MID1: variants seen among roughly 807,000 people sequenced by gnomAD.
The protein encoded by MID1 is midline 1.
In MID1, 7 loss-of-function variants were observed where a neutral mutation model predicts 40.4. The ratio of observed to expected loss-of-function variants is 0.17; its 90% CI spans 0.10 to 0.33. MID1 has a LOEUF of 0.33. Ranked by LOEUF, MID1 falls within the 10% of genes least tolerant of loss-of-function variation. The pLI, the probability that MID1 is intolerant of heterozygous loss-of-function variation, is 1.00. For synonymous variants in MID1, 229 were observed against 221.2 expected (o/e 1.04, Z -0.31); for missense variants, 367 against 558.5 (o/e 0.66, Z 3.46).
chrX:10,594,138 C>T (rs1448218411), intron 1 of MID1, among the ~76,000 whole-genome samples: 1 of 111,437 alleles, frequency 9.0e-6, no homozygotes, highest in Non-Finnish European at 1.9e-5. Flanking sequence ...GCATATATAT[C>T]TGTGTGTATA....
intron 1 of MID1, among the ~76,000 whole-genome samples, chrX:10,669,762 T>A (rs961768437): frequency 1.8e-5 from 2 of 112,314 alleles, no homozygotes; most frequent in African/African-American, 3.2e-5. Context: ...CAGAGAGTAA[T>A]CTTTTCAACA....
intron 1 of MID1, among the ~76,000 whole-genome samples, chrX:10,723,106 T>C (rs1182455908): frequency 9.0e-6 from 1 of 111,702 alleles, no homozygotes; most frequent in Non-Finnish European, 1.9e-5. Flanking sequence ...AAAAAGTAGT[T>C]ACAAAACCCC....
chrX:10,757,918 A>G (rs997983722), intron 1 of MID1, among the ~76,000 whole-genome samples: 9 of 110,912 alleles, frequency 8.1e-5, no homozygotes, highest in African/African-American at 2.6e-4. Context: ...ATGGTTTTAA[A>G]CCATATTAAT....
At chrX:10,713,504 T>C (rs1427705429) in intron 1 of MID1, among the ~76,000 whole-genome samples, 1 of 110,606 alleles carries the variant, frequency 9.0e-6, no homozygotes, top group African/African-American at 3.3e-5. Context: ...TTTAAAAACA[T>C]TTTTGTAGAA....
chrX:10,736,395 A>C (rs1043451068), intron 1 of MID1, among the ~76,000 whole-genome samples: 1 of 112,528 alleles, frequency 8.9e-6, no homozygotes, highest in Non-Finnish European at 1.9e-5. Flanking sequence ...TTCTTTGCAA[A>C]GAGCAAATAA....
At chrX:10,513,724 G>A (rs1167242060) in intron 3 of MID1, among the ~76,000 whole-genome samples, 1 of 111,601 alleles carries the variant, frequency 9.0e-6, no homozygotes, top group Non-Finnish European at 1.9e-5. Context: ...GGCCGGGCTG[G>A]TCTCGAACTC....
At chrX:10,623,098 A>AAAAAAAAAAAAAAAT, upstream of MID1, among the ~76,000 whole-genome samples, 1 of 105,419 alleles carries the variant, frequency 9.5e-6, no homozygotes, top group African/African-American at 3.5e-5. Flanking sequence ...AAAAAAAAAA[A>AAAAAAAAAAAAAAAT]AAAATAGCTG....
At chrX:10,464,205 A>G (rs768282483) in intron 7 of MID1, among the ~76,000 whole-genome samples, 5 of 112,307 alleles carry the variant, frequency 4.5e-5, no homozygotes, top group Non-Finnish European at 9.4e-5. Context: ...GAATCACCCA[A>G]CATAAAGTTC....
chrX:10,686,569 G>A (rs999204967), intron 1 of MID1, among the ~76,000 whole-genome samples: 3 of 111,953 alleles, frequency 2.7e-5, no homozygotes, highest in Admixed American at 9.5e-5. Flanking sequence ...ACAGGGCAAG[G>A]GTAAAGCTTT....
At position 10,692,617 on chromosome X, in the gene MID1, C is replaced by CA. The variant is rs935778202; in HGVS notation, c.-186-72199dup. 2.7e-3 allele frequency among the ~76,000 whole-genome samples: 284 copies of CA among 104,050 alleles called. 1 individual carries two copies. The highest frequency in any genetic ancestry group is 4.3e-3 in the Non-Finnish European group (219 of 50,538). The allele number at this position is 104,050 out of a possible 115,157, so 90.4% of individuals were successfully genotyped here. On this transcript the variant is annotated intron_variant, in intron 1 of 10. Transcript: ENST00000380785. ...GGGCAACAAGAATGAAACTCCATCT[C>CA]AAAAAAAAAAATTATTCATGAGGTA...
chrX:10,451,408 T>G (rs1928329843), intron 9 of MID1, among the ~76,000 whole-genome samples: 2 of 111,628 alleles, frequency 1.8e-5, no homozygotes, highest in South Asian at 3.8e-4. Context: ...GTGGGCAACT[T>G]TGCAGCAGCT....
At chrX:10,680,393 G>T (rs1276763750) in intron 1 of MID1, among the ~76,000 whole-genome samples, 1 of 112,079 alleles carries the variant, frequency 8.9e-6, no homozygotes, top group African/African-American at 3.2e-5. Context: ...GCAGACTTCA[G>T]TAAGACTTTC....
intron 1 of MID1, among the ~76,000 whole-genome samples, chrX:10,610,348 A>G (rs898775106): frequency 2.8e-4 from 31 of 112,471 alleles, no homozygotes; most frequent in African/African-American, 9.7e-4. Flanking sequence ...ACTGATGAAC[A>G]CAACGTTTTT....
At chrX:10,487,937 T>C (rs2147307973) in intron 4 of MID1, among the ~76,000 whole-genome samples, 1 of 110,412 alleles carries the variant, frequency 9.1e-6, no homozygotes, top group South Asian at 3.9e-4. Flanking sequence ...ATTTCTAGTT[T>C]GGGGCTATTA....
At chrX:10,476,861 G>C (rs970539941) in intron 5 of MID1, among the ~76,000 whole-genome samples, 1 of 111,829 alleles carries the variant, frequency 8.9e-6, no homozygotes, top group Non-Finnish European at 1.9e-5. Flanking sequence ...TGATGGATAC[G>C]GAGATGGTTG....
At chrX:10,613,766 G>GAGAGAGAGAC (rs1555910257) in intron 1 of MID1, among the ~76,000 whole-genome samples, 23 of 75,764 alleles carry the variant, frequency 3.0e-4, no homozygotes, top group African/African-American at 7.5e-4. Flanking sequence ...GAGAGAGAGA[G>GAGAGAGAGAC]AGACAGACAG....
At chrX:10,804,454 G>C (rs930429928) in intron 1 of MID1, among the ~76,000 whole-genome samples, 1 of 111,963 alleles carries the variant, frequency 8.9e-6, no homozygotes, top group African/African-American at 3.2e-5. Flanking sequence ...CATGTTTACT[G>C]TTTGCTGTAG....
intron 1 of MID1, among the ~76,000 whole-genome samples, chrX:10,822,099 T>G (rs1280816182): frequency 3.6e-5 from 4 of 110,936 alleles, no homozygotes; most frequent in Non-Finnish European, 7.6e-5. Flanking sequence ...ATTATGGCAT[T>G]TTCGCAGTAA....
intron 2 of MID1, among the ~76,000 whole-genome samples, chrX:10,545,327 T>C (rs992464164): frequency 9.8e-5 from 11 of 111,880 alleles, no homozygotes; most frequent in Non-Finnish European, 3.8e-5. Flanking sequence ...CAAGAAAAAA[T>C]ACCTGGATAG....
Sources: allele counts gnomAD v4.1 joint callset (sites outside exome capture counted in the v4.1 genomes callset), GRCh38; gene constraint gnomAD v4.1.1; transcripts MANE v1.5; gene names NCBI Gene and HGNC (gene_info 2026-07-23, HGNC 2026-07-21).